The following TSHZ3 variants were observed in gnomAD, a reference collection of about 807,000 sequenced individuals.
TSHZ3 encodes teashirt zinc finger homeobox 3.
TSHZ3 carries 10 observed loss-of-function variants against 64.5 expected under a neutral mutation model. That is an observed-to-expected ratio of 0.16 (90% confidence interval 0.10 to 0.26). The LOEUF is 0.26. Among genes scored for constraint, TSHZ3 ranks in the 10% least tolerant of loss-of-function variants. TSHZ3 has a pLI of 1.00. For synonymous variants in TSHZ3, 608 were observed against 593.1 expected, an observed-to-expected ratio of 1.03 and a Z score of -0.36; for missense variants, 1,242 against 1,421.7, an observed-to-expected ratio of 0.87 and a Z score of 2.03.
At chr19:31,261,710 G>A (rs368308155) in intron 1 of TSHZ3, among the ~76,000 whole-genome samples, 2 of 152,102 alleles carry the variant, frequency 1.3e-5, no homozygotes, top group East Asian at 1.9e-4. Context: ...AGTGGAGCTG[G>A]GACTCGGGTT....
chr19:31,300,490 G>GA (rs1352177518), intron 1 of TSHZ3, among the ~76,000 whole-genome samples: 2 of 152,092 alleles, frequency 1.3e-5, no homozygotes, highest in Non-Finnish European at 2.9e-5. Context: ...TGGACAAAAA[G>GA]AAAAAACCAA....
chr19:31,217,926 A>G (rs1230389285), intron 4 of TSHZ3, among the ~76,000 whole-genome samples: 1 of 152,234 alleles, frequency 6.6e-6, no homozygotes, highest in Non-Finnish European at 1.5e-5. Flanking sequence ...AAGCATGTAA[A>G]ACACAAAACA....
chr19:31,336,080 C>T (rs1390681762), intron 1 of TSHZ3, among the ~76,000 whole-genome samples: 1 of 152,190 alleles, frequency 6.6e-6, no homozygotes, highest in Non-Finnish European at 1.5e-5. Flanking sequence ...AGAAGTCCTG[C>T]TATTCTTTGG....
chr19:31,260,441 C>A (rs760617435), intron 1 of TSHZ3, among the ~76,000 whole-genome samples: 2 of 152,178 alleles, frequency 1.3e-5, no homozygotes, highest in Non-Finnish European at 2.9e-5. Context: ...TGGGGCTGTG[C>A]AGAAGCTGGG....
At chr19:31,297,093 A>G (rs1423269951) in intron 1 of TSHZ3, among the ~76,000 whole-genome samples, 1 of 152,156 alleles carries the variant, frequency 6.6e-6, no homozygotes, top group Non-Finnish European at 1.5e-5. Flanking sequence ...ACCCCTAACC[A>G]CAGGCAGGGT....
intron 1 of TSHZ3, among the ~76,000 whole-genome samples, chr19:31,246,819 G>C (rs558086128): frequency 5.3e-5 from 8 of 152,080 alleles, no homozygotes; most frequent in African/African-American, 1.9e-4. Flanking sequence ...GCCTGCAACC[G>C]AGAAAGCACA....
intron 1 of TSHZ3, among the ~76,000 whole-genome samples, chr19:31,255,264 G>A (rs1463815453): frequency 2.0e-5 from 3 of 152,122 alleles, no homozygotes; most frequent in African/African-American, 4.8e-5. Context: ...TAGGGGCAGT[G>A]AGGACGGGCT....
intron 5 of TSHZ3, among the ~76,000 whole-genome samples, chr19:31,173,931 G>T (rs533919142): frequency 2.0e-5 from 3 of 152,310 alleles, no homozygotes; most frequent in South Asian, 2.1e-4. Flanking sequence ...TGAGCTGGGC[G>T]TGGTGGTGTT....
At chr19:31,158,552 C>T (rs558247553) in intron 5 of TSHZ3, among the ~76,000 whole-genome samples, 5 of 152,102 alleles carry the variant, frequency 3.3e-5, no homozygotes, top group Admixed American at 1.3e-4. Context: ...GGACTGGTTT[C>T]GTGGAAGACA....
At chr19:31,350,137 C>T (rs1285976584), upstream of TSHZ3, among the ~76,000 whole-genome samples, 2 of 149,642 alleles carry the variant, frequency 1.3e-5, no homozygotes, top group African/African-American at 4.9e-5. Context: ...TCCGGAGCCC[C>T]CAGCGTGGTC....
intron 1 of TSHZ3, among the ~76,000 whole-genome samples, chr19:31,246,893 T>A (rs1599603234): frequency 6.6e-6 from 1 of 151,756 alleles, no homozygotes; most frequent in South Asian, 2.1e-4. Context: ...CAGGGACATA[T>A]CAAAAGGACA....
chr19:31,327,385 A>G (rs1419932359), intron 1 of TSHZ3, among the ~76,000 whole-genome samples: 1 of 152,240 alleles, frequency 6.6e-6, no homozygotes, highest in Non-Finnish European at 1.5e-5. Flanking sequence ...AGGTAACTGA[A>G]TATGTGGAGT....
chr19:31,289,112 C>A (rs1201005885), intron 1 of TSHZ3, among the ~76,000 whole-genome samples: 2 of 152,226 alleles, frequency 1.3e-5, no homozygotes, highest in Non-Finnish European at 2.9e-5. Flanking sequence ...AGAAACTCTG[C>A]AAATAGAGGT....
intron 6 of TSHZ3, among the ~76,000 whole-genome samples, chr19:31,154,849 G>GC (rs1974284763): frequency 1.1e-5 from 1 of 93,902 alleles, no homozygotes; most frequent in South Asian, 3.9e-4. Context: ...AGGGTTTTGT[G>GC]GGGGGACACT....
rs371925588 is a variant in TSHZ3 at position 31,277,945 on chromosome 19, C to T, written c.1848G>A (p.Lys616=). 6.2e-7 allele frequency: 1 copy of T among 1,614,188 alleles called. No homozygotes were observed. The highest frequency in any genetic ancestry group is 1.7e-5 in the Admixed American group (1 of 60,032). ...NFHAMEELVK[K]VTEKVAKVEE... is the part of the protein sequence containing the mutation. ...CCACTTTGGCAACTTTCTCAGTGAC[C>T]TTTTTCACCAGCTCCTCCATGGCAT... Residue 616 remains lysine, a synonymous_variant, in exon 2 of 2, where the codon AAG becomes AAA. Transcript: ENST00000240587. The surrounding 1 kb of genome is among the most constrained non-coding windows in gnomAD (Gnocchi z 4.5).
intron 1 of TSHZ3, among the ~76,000 whole-genome samples, chr19:31,341,766 C>T (rs1247935282): frequency 6.6e-6 from 1 of 152,094 alleles, no homozygotes; most frequent in Non-Finnish European, 1.5e-5. Flanking sequence ...TCACTCACTC[C>T]TAGGCCACAT....
At chr19:31,157,863 C>G (rs144292524) in intron 5 of TSHZ3, among the ~76,000 whole-genome samples, 1 of 152,152 alleles carries the variant, frequency 6.6e-6, no homozygotes, top group Non-Finnish European at 1.5e-5. Context: ...AGGCAGAGTC[C>G]GCAGGATGCA....
At chr19:31,199,516 C>G (rs1478171653) in intron 5 of TSHZ3, among the ~76,000 whole-genome samples, 1 of 148,952 alleles carries the variant, frequency 6.7e-6, no homozygotes, top group African/African-American at 2.5e-5. Context: ...GCCAAGACAA[C>G]AGAACATCCA....
At chr19:31,178,733 G>T (rs1273019442) in intron 5 of TSHZ3, among the ~76,000 whole-genome samples, 1 of 152,128 alleles carries the variant, frequency 6.6e-6, no homozygotes, top group African/African-American at 2.4e-5. Context: ...GGAATTCACA[G>T]GGCAAAAGGT....
Sources: gnomAD v4.1 joint callset for allele counts (sites outside exome capture counted in the v4.1 genomes callset) on GRCh38, gnomAD v4.1.1 for gene constraint, Gnocchi (gnomAD v3.1) non-coding constraint, MANE v1.5 for transcripts, NCBI Gene and HGNC (gene_info 2026-07-23, HGNC 2026-07-21) for gene names.